The following GRID2 variants were observed in gnomAD, a reference collection of about 807,000 sequenced individuals.
GRID2 encodes glutamate receptor ionotropic, delta-2.
GRID2 carries 33 observed loss-of-function variants against 114.8 expected under a neutral mutation model. That is an observed-to-expected ratio of 0.29 (90% CI 0.22 to 0.38). The LOEUF (loss-of-function observed/expected upper bound fraction) is 0.38. Ranked by LOEUF, GRID2 falls within the 10% of genes least tolerant of loss-of-function variation. The probability of loss-of-function intolerance (pLI) is 1.00; values close to 1 mark genes in which losing one functional copy is unlikely to be tolerated. For synonymous variants in GRID2, 505 were observed against 449.9 expected, an observed-to-expected ratio of 1.12 and a Z score of -1.55; for missense variants, 1,184 against 1,257.7, an observed-to-expected ratio of 0.94 and a Z score of 0.89.
At position 93,566,950 on chromosome 4, in the gene GRID2, G is replaced by T. The variant is rs554423288; in HGVS notation, c.2193+51539G>T. Among the ~76,000 whole-genome samples the T allele has an allele frequency of 4.6e-5, 7 of 152,004 alleles. 1 individual carries two copies. In the South Asian group the frequency reaches 1.5e-3, roughly 32 times the overall value. ...GGAGAAACATATTTTTTAAATGTCT[G>T]CAAAAGTATCCTCCCTTCTGTGCCA... On this transcript the variant is annotated intron_variant, in intron 13 of 15. Transcript: ENST00000282020.
At chr4:92,985,028 C>T (rs1389572969) in intron 2 of GRID2, among the ~76,000 whole-genome samples, 1 of 151,956 alleles carries the variant, frequency 6.6e-6, no homozygotes, top group Non-Finnish European at 1.5e-5. Context: ...TGATTCTCCT[C>T]TTTGTATTGG....
chr4:93,716,732 C>T (rs1163854306), intron 14 of GRID2, among the ~76,000 whole-genome samples: 1 of 152,020 alleles, frequency 6.6e-6, no homozygotes, highest in African/African-American at 2.4e-5. Flanking sequence ...AGCTCTCCCT[C>T]CTTCACTAAT....
intron 2 of GRID2, among the ~76,000 whole-genome samples, chr4:92,602,232 A>G (rs1259873826): frequency 1.3e-5 from 2 of 151,482 alleles, no homozygotes; most frequent in East Asian, 1.9e-4. Context: ...AGAAAAGAAA[A>G]AAAGAAAGAA....
intron 7 of GRID2, among the ~76,000 whole-genome samples, chr4:93,237,985 A>G (rs1481755953): frequency 6.6e-6 from 1 of 151,872 alleles, no homozygotes; most frequent in East Asian, 1.9e-4. Context: ...GTTGAAATCT[A>G]TCTTATATAG....
At chr4:92,945,316 T>C (rs1262571086) in intron 2 of GRID2, among the ~76,000 whole-genome samples, 1 of 152,182 alleles carries the variant, frequency 6.6e-6, no homozygotes, top group Non-Finnish European at 1.5e-5. Context: ...GTTCTATTAT[T>C]TTATGGAATC....
At chr4:93,383,924 T>A (rs1764091283) in intron 8 of GRID2, among the ~76,000 whole-genome samples, 1 of 152,130 alleles carries the variant, frequency 6.6e-6, no homozygotes, top group African/African-American at 2.4e-5. Context: ...CAGAGCAAAC[T>A]CAGATTCAAG....
At chr4:93,662,815 A>G (rs1318756791) in intron 14 of GRID2, among the ~76,000 whole-genome samples, 1 of 152,222 alleles carries the variant, frequency 6.6e-6, no homozygotes, top group African/African-American at 2.4e-5. Flanking sequence ...CTAATCCCTC[A>G]TGAAGGAAGA....
chr4:93,708,603 GT>G (rs929755418), intron 14 of GRID2, among the ~76,000 whole-genome samples: 27 of 151,818 alleles, frequency 1.8e-4, no homozygotes, highest in African/African-American at 6.0e-4. Context: ...GTTGAATGTT[GT>G]TTTTTTAATC....
At position 93,588,298 on chromosome 4, in the gene GRID2, A is replaced by AT. The variant is rs1390910812; in HGVS notation, c.2194-37963dup. Among the ~76,000 whole-genome samples, 4 of 151,916 alleles carry AT rather than the reference A, an allele frequency of 2.6e-5. No homozygotes were observed. The East Asian group carries it at 5.8e-4, about 22-fold the overall frequency. On this transcript the variant is annotated intron_variant, in intron 13 of 15. Coordinates refer to ENST00000282020, the MANE Select transcript of GRID2 (RefSeq NM_001510.4). Reference sequence around the variant, plus strand: ...AAAGAACATTTATAAAACAATCAAAATTTTTTTTGCAGTTGGAATAATAGG... The same window carrying AT: ...AAAGAACATTTATAAAACAATCAAAATTTTTTTTTGCAGTTGGAATAATAGG...
intron 4 of GRID2, among the ~76,000 whole-genome samples, chr4:93,150,692 T>C (rs1393075659): frequency 6.6e-6 from 1 of 151,894 alleles, no homozygotes; most frequent in Non-Finnish European, 1.5e-5. Flanking sequence ...CTGAAATTTG[T>C]GCTCCCTTGT....
chr4:93,203,938 A>G (rs2149464442), intron 4 of GRID2: 1 of 152,288 alleles, frequency 6.6e-6, no homozygotes, highest in South Asian at 2.1e-4. Flanking sequence ...CTATTGGCTT[A>G]GAACTCAGTC....
intron 1 of GRID2, among the ~76,000 whole-genome samples, chr4:92,322,777 T>C (rs753020201): frequency 6.6e-6 from 1 of 152,190 alleles, no homozygotes; most frequent in African/African-American, 2.4e-5. Flanking sequence ...TTTATGCTGA[T>C]TAAAGAAACA....
At chr4:92,451,443 T>C (rs914596407) in intron 1 of GRID2, among the ~76,000 whole-genome samples, 1 of 152,122 alleles carries the variant, frequency 6.6e-6, no homozygotes, top group African/African-American at 2.4e-5. Context: ...CCACTAGGCA[T>C]TTACATTTTT....
chr4:92,639,919 A>T (rs1391802267), intron 2 of GRID2, among the ~76,000 whole-genome samples: 1 of 151,824 alleles, frequency 6.6e-6, no homozygotes, highest in Non-Finnish European at 1.5e-5. Context: ...TTAACTACTA[A>T]AGACATGTTC....
chr4:93,735,405 C>A (rs77554837), intron 14 of GRID2, among the ~76,000 whole-genome samples: 6,872 of 151,862 alleles, frequency 0.045, 257 homozygotes, highest in African/African-American at 0.095. Context: ...ATTCATTTTC[C>A]ACATGTAATT....
At chr4:92,660,260 T>G (rs542416871) in intron 2 of GRID2, among the ~76,000 whole-genome samples, 2 of 151,416 alleles carry the variant, frequency 1.3e-5, no homozygotes, top group South Asian at 2.1e-4. Context: ...TTACCCATTA[T>G]TATAGGAAGA....
intron 2 of GRID2, among the ~76,000 whole-genome samples, chr4:92,847,130 CTCTT>C (rs1199647335): frequency 3.3e-5 from 5 of 152,074 alleles, no homozygotes; most frequent in African/African-American, 1.2e-4. Context: ...CATATGGAAA[CTCTT>C]TCTGCTTGGC....
intron 14 of GRID2, among the ~76,000 whole-genome samples, chr4:93,766,535 G>A (rs879685187): frequency 6.6e-6 from 1 of 152,182 alleles, no homozygotes; most frequent in Non-Finnish European, 1.5e-5. Flanking sequence ...GAGCCAAACC[G>A]TATCACAAGG....
At chr4:93,694,516 TTTCCA>T (rs1397714172) in intron 14 of GRID2, among the ~76,000 whole-genome samples, 1 of 152,232 alleles carries the variant, frequency 6.6e-6, no homozygotes, top group Non-Finnish European at 1.5e-5. Context: ...CTGATGTCTC[TTTCCA>T]TTGCATTGAC....
Sources: allele counts gnomAD v4.1 joint callset (sites outside exome capture counted in the v4.1 genomes callset), GRCh38; gene constraint gnomAD v4.1.1; transcripts MANE v1.5; gene names NCBI Gene and HGNC (gene_info 2026-07-23, HGNC 2026-07-21).